CADM2: variants seen among roughly 807,000 people sequenced by gnomAD.
CADM2 encodes the protein cell adhesion molecule 2.
In CADM2, 12 loss-of-function variants were observed where a neutral mutation model predicts 49.8. The observed-to-expected ratio is 0.24, with a 90% CI of 0.15 to 0.39. The LOEUF (loss-of-function observed/expected upper bound fraction) is 0.39, where lower values mean the gene tolerates loss of function less well. Among genes scored for constraint, CADM2 ranks in the 10% least tolerant of loss-of-function variants. CADM2 has a pLI of 1.00. For missense variants in CADM2, 378 were observed against 492.3 expected (o/e 0.77, Z 2.20); for synonymous variants, 214 against 175.4 (o/e 1.22, Z -1.74).
chr3:85,769,452 A>G (rs1353979870), intron 2 of CADM2, among the ~76,000 whole-genome samples: 1 of 94,806 alleles, frequency 1.1e-5, no homozygotes, highest in Admixed American at 1.5e-4. Flanking sequence ...ACACGTATAT[A>G]CATATATACA....
At chr3:85,414,886 T>A (rs1340977875) in intron 1 of CADM2, among the ~76,000 whole-genome samples, 5 of 152,180 alleles carry the variant, frequency 3.3e-5, no homozygotes, top group Non-Finnish European at 7.4e-5. Flanking sequence ...CTAGTTTATA[T>A]ATGAGAGACT....
intron 3 of CADM2, among the ~76,000 whole-genome samples, chr3:85,868,421 A>G (rs1450978060): frequency 1.3e-5 from 2 of 152,114 alleles, no homozygotes; most frequent in Non-Finnish European, 2.9e-5. Flanking sequence ...GACTTTCACT[A>G]GAATGATGAG....
chr3:85,179,351 G>A (rs554602283), intron 1 of CADM2, among the ~76,000 whole-genome samples: 1 of 152,024 alleles, frequency 6.6e-6, no homozygotes, highest in African/African-American at 2.4e-5. Flanking sequence ...GTGTGTATAT[G>A]TATAAAGAAT....
intron 1 of CADM2, among the ~76,000 whole-genome samples, chr3:85,650,520 A>AAC (rs199655359): frequency 6.6e-6 from 1 of 150,648 alleles, no homozygotes; most frequent in African/African-American, 2.4e-5. Flanking sequence ...AAAAAAAAAA[A>AAC]CCTCCAAAGA....
At chr3:85,714,886 A>G (rs2067236434) in intron 1 of CADM2, among the ~76,000 whole-genome samples, 2 of 152,056 alleles carry the variant, frequency 1.3e-5, no homozygotes. Flanking sequence ...CATTATAACC[A>G]TTACAAAGCT....
intron 1 of CADM2, among the ~76,000 whole-genome samples, chr3:85,370,137 C>A (rs1042232604): frequency 6.6e-6 from 1 of 150,742 alleles, no homozygotes; most frequent in Non-Finnish European, 1.5e-5. Flanking sequence ...CGCTTGAAAC[C>A]GGGAGGGAGA....
chr3:85,363,801 C>T (rs1196425284), intron 1 of CADM2, among the ~76,000 whole-genome samples: 1 of 150,504 alleles, frequency 6.6e-6, no homozygotes, highest in Non-Finnish European at 1.5e-5. Context: ...TCAGTAGAGA[C>T]GATGTTTCAC....
At chr3:85,209,039 A>G (rs2041716066) in intron 1 of CADM2, among the ~76,000 whole-genome samples, 1 of 152,178 alleles carries the variant, frequency 6.6e-6, no homozygotes, top group African/African-American at 2.4e-5. Context: ...CAGACAAGAA[A>G]TGGAAGACTT....
chr3:85,125,163 G>A (rs908995251), intron 1 of CADM2, among the ~76,000 whole-genome samples: 5 of 152,110 alleles, frequency 3.3e-5, no homozygotes, highest in Non-Finnish European at 7.4e-5. Flanking sequence ...TATGACTGTG[G>A]TTTTATTTTG....
At chr3:85,992,858 AAAC>A (rs1404931868) in intron 8 of CADM2, 1 of 152,202 alleles carries the variant, frequency 6.6e-6, no homozygotes, top group Non-Finnish European at 1.5e-5. Context: ...TCTTAAAATA[AAAC>A]AACAATAAGG....
At chr3:85,933,060 G>T (rs1476606737) in intron 6 of CADM2, among the ~76,000 whole-genome samples, 1 of 152,098 alleles carries the variant, frequency 6.6e-6, no homozygotes, top group Non-Finnish European at 1.5e-5. Context: ...AAGCCACATT[G>T]TGCGTTCCTC....
At chr3:84,965,248 A>C (rs538612209) in intron 1 of CADM2, among the ~76,000 whole-genome samples, 1 of 152,266 alleles carries the variant, frequency 6.6e-6, no homozygotes, top group East Asian at 1.9e-4. Context: ...CCTTGTGTAA[A>C]GAGGTGGGTG....
At chr3:84,975,331 A>G (rs2031749109) in intron 1 of CADM2, among the ~76,000 whole-genome samples, 1 of 151,910 alleles carries the variant, frequency 6.6e-6, no homozygotes, top group South Asian at 2.1e-4. Flanking sequence ...AGCTTCTTTC[A>G]GATACCTTTA....
At chr3:85,493,753 G>T (rs1441222108) in intron 1 of CADM2, among the ~76,000 whole-genome samples, 1 of 152,144 alleles carries the variant, frequency 6.6e-6, no homozygotes, top group East Asian at 1.9e-4. Flanking sequence ...TTGAGTTGCT[G>T]GTGTGACTAA....
In CADM2 at chr3:86,060,783, G is replaced by A. The variant is rs147473655; in HGVS notation, c.971-4822G>A. The stretch of plus-strand genomic sequence containing the variant: ...CAGATCACGAGGTCAGGAGTTCAAG[G>A]CCAGCCTCACCAATATGGTGAAACC... On this transcript the variant is annotated intron_variant, in intron 8 of 9. Coordinates refer to ENST00000383699, the MANE Select transcript of CADM2 (RefSeq NM_001167675.2). Among the ~76,000 whole-genome samples, 849 of 152,050 alleles carry A rather than the reference G, an allele frequency of 5.6e-3. 9 individuals carry two copies. The highest frequency in any genetic ancestry group is 0.05 in the East Asian group (256 of 5,146).
intron 1 of CADM2, among the ~76,000 whole-genome samples, chr3:85,424,808 C>T (rs2107506173): frequency 6.6e-6 from 1 of 152,142 alleles, no homozygotes; most frequent in Non-Finnish European, 1.5e-5. Context: ...TACTTACTAG[C>T]CTACATAAAA....
intron 1 of CADM2, among the ~76,000 whole-genome samples, chr3:85,636,258 C>T (rs11714008): frequency 0.38 from 58,180 of 151,892 alleles, 12,256 homozygotes; most frequent in East Asian, 0.54. Flanking sequence ...CAGACAATGA[C>T]ACTGATGATC....
intron 1 of CADM2, among the ~76,000 whole-genome samples, chr3:85,238,685 A>G (rs149225318): frequency 2.6e-5 from 4 of 151,940 alleles, no homozygotes; most frequent in African/African-American, 9.6e-5. Context: ...ATATTAAGAT[A>G]CTTTGTTCAG....
intron 1 of CADM2, among the ~76,000 whole-genome samples, chr3:85,355,412 C>T (rs2031771346): frequency 6.6e-6 from 1 of 152,034 alleles, no homozygotes; most frequent in Non-Finnish European, 1.5e-5. Flanking sequence ...GTCCCCTTGG[C>T]TTAGAGACTT....
Sources: allele counts gnomAD v4.1 joint callset (sites outside exome capture counted in the v4.1 genomes callset), GRCh38; gene constraint gnomAD v4.1.1; transcripts MANE v1.5; gene names NCBI Gene and HGNC (gene_info 2026-07-23, HGNC 2026-07-21).